KNSTRN: variants seen among roughly 807,000 people sequenced by gnomAD.
The protein encoded by KNSTRN is kinetochore localized astrin (SPAG5) binding protein, also known as small kinetochore-associated protein.
In KNSTRN, 38 loss-of-function variants were observed where a neutral mutation model predicts 44.7. That is an observed-to-expected ratio of 0.85 (90% CI 0.66 to 1.11). The LOEUF (loss-of-function observed/expected upper bound fraction) is 1.11, where lower values mean the gene tolerates loss of function less well. Among genes scored for constraint, KNSTRN ranks in the 50% most tolerant of loss-of-function variants. The pLI is 0.00. For synonymous variants in KNSTRN, 158 were observed against 148.1 expected (o/e 1.07, Z -0.48); for missense variants, 406 against 375.8 (o/e 1.08, Z -0.66).
Position 40,391,527 on chromosome 15 carries a change from A to G in KNSTRN, c.720A>G (p.Glu240=). 6.2e-7 allele frequency: 1 copy of G among 1,614,030 alleles called. No homozygotes were observed. Among genetic ancestry groups the G allele is most frequent in the Non-Finnish European group, 8.5e-7 (1 of 1,179,928 alleles). Residue 240 remains glutamate, a synonymous_variant, in exon 7 of 9, where the codon GAA becomes GAG. Transcript: ENST00000249776. ...GTGAGACCCTGGCATCACGACAAGA[A>G]TCCACTACTGATCACATGGACTCTA... ...LGSETLASRQ[E]STTDHMDSML...
rs529702127 is a variant in KNSTRN, at chr15:40,383,530, T to G, written c.304+208T>G. On this transcript the variant is annotated intron_variant, in intron 2 of 8. Transcript: ENST00000249776. ...GGATTTTAGACGTGCTCTGCACTTT[T>G]CTGCCCGCATGTGTACTGTATTCAT... is the stretch of plus-strand genomic sequence containing the variant. 5.4e-6 allele frequency: 3 copies of G among 560,198 alleles called. No individual in the cohort carries two copies. The East Asian group carries it at 8.6e-5, about 16-fold the overall frequency. The allele number at this position is 560,198 out of a possible 1,614,324, so 34.7% of individuals were successfully genotyped here.
In KNSTRN at chr15:40,386,215, A is replaced by G. The variant is rs1345470588; in HGVS notation, c.305-147A>G. ...GTACTCCAGCCTGGGCCACAGAGCAAGACTCTGTCTCAAAAAAATAAATAA... is the reference window on the plus strand; with the variant it reads ...GTACTCCAGCCTGGGCCACAGAGCAGGACTCTGTCTCAAAAAAATAAATAA... On this transcript the variant is annotated intron_variant, in intron 2 of 8. Coordinates refer to ENST00000249776, the MANE Select transcript of KNSTRN (RefSeq NM_033286.4). The G allele has an allele frequency of 1.4e-5, 12 of 831,326 alleles. No individual in the cohort carries two copies. The African/African-American group carries it at 1.9e-4, about 13-fold the overall frequency. 51.5% of individuals were successfully genotyped at this position (831,326 alleles called of 1,614,324 possible).
intron 2 of KNSTRN, chr15:40,384,305 C>T: frequency 3.1e-6 from 1 of 319,964 alleles, no homozygotes; most frequent in South Asian, 2.3e-5. Context: ...ACCCGGGAGG[C>T]GGAGCTTGCA....
In KNSTRN at chr15:40,391,530, C is replaced by T. The variant is rs1304974351; in HGVS notation, c.723C>T (p.Ser241=). ...AGACCCTGGCATCACGACAAGAATC[C>T]ACTACTGATCACATGGACTCTATGG... The part of the protein sequence containing the change: ...GSETLASRQE[S]TTDHMDSMLL... The change falls in exon 7 of 9, where the codon TCC becomes TCT. Residue 241 remains serine (S), a synonymous_variant. Coordinates refer to ENST00000249776, the MANE Select transcript of KNSTRN (RefSeq NM_033286.4). 12 of 1,613,856 alleles carry T rather than the reference C, an allele frequency of 7.4e-6. No individual in the cohort carries two copies. The highest frequency in any genetic ancestry group is 9.3e-6 in the Non-Finnish European group (11 of 1,179,898).
intron 8 of KNSTRN, among the ~76,000 whole-genome samples, chr15:40,392,457 G>C (rs1394136003): frequency 6.6e-6 from 1 of 152,202 alleles, no homozygotes; most frequent in Non-Finnish European, 1.5e-5. Flanking sequence ...GGGAGGCTGA[G>C]GTGGAAGGAT....
In KNSTRN at chr15:40,386,403, A is replaced by G; in HGVS notation, c.346A>G (p.Arg116Gly). 6.2e-7 allele frequency: 1 copy of G among 1,614,146 alleles called. No individual in the cohort carries two copies. The change falls in exon 3 of 9, where the codon AGG becomes GGG. Residue 116 changes from arginine to glycine, a missense_variant. By Grantham distance (125) the Arg-to-Gly change is moderately radical. Transcript: ENST00000249776. ...CACTTCTAAGAGTCTCTTACCTGTT[A>G]GGTCCAAAGAAGTCGATGTTTCCAA... Reference protein sequence around the residue: ...RATSKSLLPVRSKEVDVSKQL... With the variant: ...RATSKSLLPVGSKEVDVSKQL...
rs765624573 is a variant in KNSTRN at position 40,389,454 on chromosome 15, G to T, written c.486-52G>T. ...GCATGAGCTACCGCACCTGGTGTGG[G>T]CCATACTGTTAACCCTTTTATCTTT... On this transcript the variant is annotated intron_variant, in intron 4 of 8. Coordinates refer to ENST00000249776, the MANE Select transcript of KNSTRN (RefSeq NM_033286.4). 8 of 1,375,372 alleles carry T rather than the reference G, an allele frequency of 5.8e-6. No homozygotes were observed. In the South Asian group the frequency reaches 9.4e-5, roughly 16 times the overall value. 85.2% of individuals were successfully genotyped at this position (1,375,372 alleles called of 1,614,324 possible).
At chr15:40,391,613 TAAG>T in intron 7 of KNSTRN, 59 bp downstream of exon 7, 5 of 1,360,506 alleles carry the variant, frequency 3.7e-6, no homozygotes, top group Non-Finnish European at 5.3e-6. Context: ...TCTGTAAATC[TAAG>T]AAGGTCTCTG....
At position 40,393,358 on chromosome 15, in the gene KNSTRN, G is replaced by T. The variant is rs1595741803; in HGVS notation, c.823-111G>T. On this transcript the variant is annotated intron_variant, in intron 8 of 8. Transcript: ENST00000249776. ...AGATACAGTCTGTTGATACTCCAGT[G>T]GTCTTCCTTAGTGGAATAGGAGCAT... 3.1e-6 allele frequency: 5 copies of T among 1,592,372 alleles called. No homozygotes were observed. The African/African-American group carries it at 5.4e-5, about 17-fold the overall frequency.
intron 8 of KNSTRN, chr15:40,393,268 G>A: frequency 6.2e-7 from 1 of 1,613,352 alleles, no homozygotes; most frequent in Non-Finnish European, 8.5e-7. Flanking sequence ...CAGGAGTCTA[G>A]TCCCTCTCTA....
intron 5 of KNSTRN, 86 bp downstream of exon 5, chr15:40,389,697 CT>C: frequency 3.9e-6 from 5 of 1,285,240 alleles, no homozygotes; most frequent in Non-Finnish European, 5.6e-6. Flanking sequence ...GATGAGCAAG[CT>C]TGTTAATGCA....
Position 40,382,942 on chromosome 15 carries a change from T to G in KNSTRN, c.107T>G (p.Phe36Cys). The change falls in exon 1 of 9, where the codon TTT becomes TGT. Residue 36 changes from phenylalanine (F) to cysteine (C), a missense_variant. Physicochemically the swap from Phe to Cys is radical, Grantham distance 205 (BLOSUM62 -2). Transcript: ENST00000249776. ...PLPPSYRKFL[F>C]ETQAADLAGG... Reference sequence around the variant, plus strand: ...CCGCCTAGCTACCGGAAGTTTCTATTTGAAACCCAGGCGGCCGACTTAGCC... The same window carrying G: ...CCGCCTAGCTACCGGAAGTTTCTATGTGAAACCCAGGCGGCCGACTTAGCC... The G allele has an allele frequency of 6.2e-7, 1 of 1,612,306 alleles. No individual in the cohort carries two copies. Among genetic ancestry groups the G allele is most frequent in the Non-Finnish European group, 8.5e-7 (1 of 1,180,030 alleles).
At chr15:40,389,105 G>T in intron 4 of KNSTRN, 1 of 449,530 alleles carries the variant, frequency 2.2e-6, no homozygotes, top group Non-Finnish European at 4.4e-6. Context: ...TAATAGCCAG[G>T]ATAGAATGGG....
chr15:40,385,646 G>A (rs771617156), intron 2 of KNSTRN, among the ~76,000 whole-genome samples: 1 of 152,160 alleles, frequency 6.6e-6, no homozygotes. Flanking sequence ...TAAAAACAAC[G>A]AAGTAACGGT....
intron 3 of KNSTRN, 82 bp downstream of exon 3, chr15:40,386,576 A>G (rs988248413): frequency 6.8e-7 from 1 of 1,466,246 alleles, no homozygotes; most frequent in South Asian, 1.3e-5. Flanking sequence ...AGAGTTTTGG[A>G]CAACACAAGT....
chr15:40,387,461 T>C (rs1040863053), intron 4 of KNSTRN, among the ~76,000 whole-genome samples: 1 of 152,210 alleles, frequency 6.6e-6, no homozygotes, highest in Non-Finnish European at 1.5e-5. Flanking sequence ...CACTGCTGAT[T>C]GGAAATCACA....
chr15:40,391,981 G>A lies in KNSTRN; in HGVS notation c.780G>A (p.Lys260=). Residue 260 remains lysine, a synonymous_variant, in exon 8 of 9, where the codon AAG becomes AAA. Transcript: ENST00000249776. ...TAGAAACTTTGCAAGAGGAGCTGAA[G>A]CTTTTTAACGAAACAGCCAAAAAGC... ...LLLETLQEEL[K]LFNETAKKQM... 6.2e-7 allele frequency: 1 copy of A among 1,611,716 alleles called. No homozygotes were observed. The highest frequency in any genetic ancestry group is 8.5e-7 in the Non-Finnish European group (1 of 1,179,200).
At chr15:40,388,567 T>C (rs1482006670) in intron 4 of KNSTRN, among the ~76,000 whole-genome samples, 1 of 151,914 alleles carries the variant, frequency 6.6e-6, no homozygotes, top group Non-Finnish European at 1.5e-5. Context: ...TGGTGGCGGG[T>C]GCCTGTAGTC....
At chr15:40,387,274 T>TG in intron 4 of KNSTRN, 68 bp downstream of exon 4, 1 of 1,252,694 alleles carries the variant, frequency 8.0e-7, no homozygotes, top group Non-Finnish European at 1.2e-6. Flanking sequence ...TGGTTCTGCA[T>TG]CAGAATCATT....
Sources: gnomAD v4.1 joint callset for allele counts (sites outside exome capture counted in the v4.1 genomes callset) on GRCh38, gnomAD v4.1.1 for gene constraint, MANE v1.5 for transcripts, NCBI Gene and HGNC (gene_info 2026-07-23, HGNC 2026-07-21) for gene names.